IQGAP2: variants seen among roughly 807,000 people sequenced by gnomAD.
IQGAP2 encodes the protein ras GTPase-activating-like protein IQGAP2.
A neutral mutation model predicts 201.3 loss-of-function variants in IQGAP2; 173 were observed. That is an observed-to-expected ratio of 0.86 (90% confidence interval 0.76 to 0.98). IQGAP2 has a LOEUF of 0.98. Ranked by LOEUF, IQGAP2 falls within the 50% of genes least tolerant of loss-of-function variation. IQGAP2 has a pLI of 0.00. For synonymous variants in IQGAP2, 675 were observed against 673.9 expected (o/e 1.00, Z -0.03); for missense variants, 1,687 against 1,864.8 (o/e 0.90, Z 1.76).
chr5:76,542,811 A>G (rs943153592), intron 2 of IQGAP2, among the ~76,000 whole-genome samples: 1 of 151,580 alleles, frequency 6.6e-6, no homozygotes, highest in East Asian at 1.9e-4. Flanking sequence ...ACATTCTAAC[A>G]TAGAGTGGCT....
chr5:76,579,875 T>G (rs994254412), intron 5 of IQGAP2, among the ~76,000 whole-genome samples: 2 of 152,226 alleles, frequency 1.3e-5, no homozygotes, highest in Non-Finnish European at 2.9e-5. Context: ...CCTTGGTTCT[T>G]CCTTATCTTG....
At chr5:76,433,890 G>A (rs1398864814) in intron 1 of IQGAP2, among the ~76,000 whole-genome samples, 1 of 152,116 alleles carries the variant, frequency 6.6e-6, no homozygotes, top group Non-Finnish European at 1.5e-5. Flanking sequence ...AGAAACCCTA[G>A]GGAAAAGTTT....
At chr5:76,656,206 T>A (rs548256224) in intron 20 of IQGAP2, among the ~76,000 whole-genome samples, 1 of 141,952 alleles carries the variant, frequency 7.0e-6, no homozygotes, top group East Asian at 2.0e-4. Context: ...TGGTTTTTTT[T>A]GTTTGTTTTT....
At chr5:76,439,133 G>A (rs959555876) in intron 1 of IQGAP2, among the ~76,000 whole-genome samples, 59 of 152,162 alleles carry the variant, frequency 3.9e-4, no homozygotes, top group African/African-American at 1.4e-3. Flanking sequence ...TTCTGGAGCA[G>A]ATTAATTTCC....
chr5:76,690,743 T>A (rs1475082102), intron 30 of IQGAP2, among the ~76,000 whole-genome samples: 1 of 152,196 alleles, frequency 6.6e-6, no homozygotes, highest in African/African-American at 2.4e-5. Flanking sequence ...ATGTAAAAAA[T>A]TGATGAAATA....
At chr5:76,488,317 A>G (rs964624917) in intron 2 of IQGAP2, among the ~76,000 whole-genome samples, 2 of 152,222 alleles carry the variant, frequency 1.3e-5, no homozygotes, top group Non-Finnish European at 2.9e-5. Context: ...CTGTTAATCA[A>G]GTTCTATTGA....
At chr5:76,587,308 T>G (rs1465405651) in intron 5 of IQGAP2, among the ~76,000 whole-genome samples, 5 of 152,226 alleles carry the variant, frequency 3.3e-5, no homozygotes, top group Non-Finnish European at 7.3e-5. Context: ...CCTTTCAAGC[T>G]GGCAATTTTG....
intron 16 of IQGAP2, among the ~76,000 whole-genome samples, chr5:76,637,941 G>A (rs1580689437): frequency 6.6e-6 from 1 of 152,134 alleles, no homozygotes; most frequent in South Asian, 2.1e-4. Flanking sequence ...TAACTAATCT[G>A]TGACCCATAT....
intron 9 of IQGAP2, 28 bp from the exon 10 acceptor site, chr5:76,597,411 C>G: frequency 6.2e-7 from 1 of 1,611,646 alleles, no homozygotes. Flanking sequence ...AGCAACCATT[C>G]TGACAAAACA....
At chr5:76,436,773 C>T (rs534847207) in intron 1 of IQGAP2, among the ~76,000 whole-genome samples, 2 of 151,314 alleles carry the variant, frequency 1.3e-5, no homozygotes, top group East Asian at 3.9e-4. Context: ...CGTGATCCAC[C>T]TGCCTCGGCC....
intron 2 of IQGAP2, among the ~76,000 whole-genome samples, chr5:76,478,643 A>T (rs1262134891): frequency 2.0e-5 from 3 of 152,140 alleles, no homozygotes; most frequent in Non-Finnish European, 2.9e-5. Flanking sequence ...TAGATACACA[A>T]ATACCACCAT....
chr5:76,451,816 C>T (rs530824181), intron 1 of IQGAP2, among the ~76,000 whole-genome samples: 8 of 152,358 alleles, frequency 5.3e-5, no homozygotes, highest in African/African-American at 1.9e-4. Context: ...AGGCAGATCA[C>T]TTGCGGCCAG....
At chr5:76,528,591 G>A (rs1441455111) in intron 2 of IQGAP2, among the ~76,000 whole-genome samples, 1 of 152,114 alleles carries the variant, frequency 6.6e-6, no homozygotes, top group Admixed American at 6.5e-5. Context: ...TAAAAACCAA[G>A]CTCAAGGGAG....
At chr5:76,478,646 A>T (rs1046463501) in intron 2 of IQGAP2, among the ~76,000 whole-genome samples, 2 of 152,158 alleles carry the variant, frequency 1.3e-5, no homozygotes, top group African/African-American at 4.8e-5. Context: ...ATACACAAAT[A>T]CCACCATGCT....
intron 15 of IQGAP2, 116 bp downstream of exon 15, chr5:76,632,142 T>C (rs1750767945): frequency 1.1e-6 from 1 of 931,392 alleles, no homozygotes; most frequent in Admixed American, 3.3e-5. Context: ...TCTGTAATTT[T>C]TTGTCATCTA....
intron 14 of IQGAP2, among the ~76,000 whole-genome samples, chr5:76,631,154 T>C (rs1750673816): frequency 6.6e-6 from 1 of 152,178 alleles, no homozygotes; most frequent in South Asian, 2.1e-4. Flanking sequence ...CATTTACTGG[T>C]TGTGAAAACT....
intron 2 of IQGAP2, among the ~76,000 whole-genome samples, chr5:76,527,032 G>T (rs1759014842): frequency 6.6e-6 from 1 of 152,202 alleles, no homozygotes; most frequent in South Asian, 2.1e-4. Flanking sequence ...CTCAGTGAGG[G>T]TGTGAAATCA....
intron 1 of IQGAP2, among the ~76,000 whole-genome samples, chr5:76,418,225 A>AAT (rs1751525300): frequency 6.6e-6 from 1 of 151,066 alleles, no homozygotes; most frequent in African/African-American, 2.4e-5. Flanking sequence ...AAAAAAAAAA[A>AAT]AGATTTTCCT....
intron 1 of IQGAP2, among the ~76,000 whole-genome samples, chr5:76,409,576 A>C (rs1225273352): frequency 6.6e-6 from 1 of 152,108 alleles, no homozygotes; most frequent in African/African-American, 2.4e-5. Context: ...AATACATCCA[A>C]GCTTCATCAA....
Sources: gnomAD v4.1 joint callset for allele counts (sites outside exome capture counted in the v4.1 genomes callset) on GRCh38, gnomAD v4.1.1 for gene constraint, MANE v1.5 for transcripts, NCBI Gene and HGNC (gene_info 2026-07-23, HGNC 2026-07-21) for gene names.